TOR1AIP2: variants seen among roughly 807,000 people sequenced by gnomAD.
TOR1AIP2 encodes the protein torsin-1A-interacting protein 2.
A neutral mutation model predicts 32.6 loss-of-function variants in TOR1AIP2; 20 were observed. The ratio of observed to expected loss-of-function variants is 0.61; its 90% CI spans 0.43 to 0.89. TOR1AIP2 has a LOEUF of 0.89. Ranked by LOEUF, TOR1AIP2 falls within the 40% of genes least tolerant of loss-of-function variation. The probability of loss-of-function intolerance (pLI) is 0.00; values close to 1 mark genes in which losing one functional copy is unlikely to be tolerated. For missense variants in TOR1AIP2, 456 were observed against 553.8 expected (o/e 0.82, Z 1.77); for synonymous variants, 214 against 210.8 (o/e 1.02, Z -0.13).
intron 3 of TOR1AIP2, among the ~76,000 whole-genome samples, chr1:179,858,473 C>A (rs1349531360): frequency 6.6e-6 from 1 of 152,016 alleles, no homozygotes; most frequent in Non-Finnish European, 1.5e-5. Context: ...ATAAAATGTT[C>A]ATATATTTTA....
intron 3 of TOR1AIP2, chr1:179,864,259 C>T (rs1370156020): frequency 1.0e-6 from 1 of 985,200 alleles, no homozygotes; most frequent in African/African-American, 1.7e-5. Flanking sequence ...TATATAAGAG[C>T]AAATTTTATC....
In TOR1AIP2 at chr1:179,843,552, T is replaced by C. The variant is rs1695795015; in HGVS notation, c.*2519A>G. On this transcript the variant is annotated 3_prime_UTR_variant, in exon 7 of 7. Transcript: ENST00000609928. ...AAAAAAGAAGTTTGGTTGGGTGCAT[T>C]GGGTCACATCTGTAATCCAAACACT... 1 of 149,848 alleles carries C rather than the reference T, an allele frequency of 6.7e-6. No homozygotes were observed. The highest frequency in any genetic ancestry group is 1.5e-5 in the Non-Finnish European group (1 of 68,146). The allele number at this position is 149,848 out of a possible 1,614,324, so 9.3% of individuals were successfully genotyped here.
intron 2 of TOR1AIP2, among the ~76,000 whole-genome samples, chr1:179,872,474 C>A (rs1697047143): frequency 6.6e-6 from 1 of 152,176 alleles, no homozygotes; most frequent in Admixed American, 6.5e-5. Flanking sequence ...AATATCCCAG[C>A]ATTATTATTT....
chr1:179,872,824 G>A (rs1056409188), intron 2 of TOR1AIP2, among the ~76,000 whole-genome samples: 1 of 152,158 alleles, frequency 6.6e-6, no homozygotes, highest in Non-Finnish European at 1.5e-5. Context: ...CTGACTGCCA[G>A]GTTTAGTTCA....
At chr1:179,872,748 A>G (rs763097339) in intron 2 of TOR1AIP2, among the ~76,000 whole-genome samples, 36 of 152,200 alleles carry the variant, frequency 2.4e-4, no homozygotes, top group Non-Finnish European at 5.0e-4. Context: ...TTGACCACGT[A>G]GAGGTATTAA....
chr1:179,873,391 A>G (rs1416487740), intron 2 of TOR1AIP2, among the ~76,000 whole-genome samples: 1 of 152,218 alleles, frequency 6.6e-6, no homozygotes, highest in African/African-American at 2.4e-5. Flanking sequence ...ATGATTAGAA[A>G]GATAAAAAGA....
intron 2 of TOR1AIP2, chr1:179,868,400 G>C (rs767384995): frequency 2.0e-5 from 3 of 151,944 alleles, no homozygotes; most frequent in Admixed American, 2.0e-4. Flanking sequence ...AATATTTCTG[G>C]AATGAATAAA....
rs1347873704 is a variant in TOR1AIP2, at chr1:179,851,296, T to C, written c.102A>G (p.Ala34=). The stretch of plus-strand genomic sequence containing the variant: ...GGATCTCAGCTTCTTCAGCATTACT[T>C]GCTATGATTGTGGTCTCCTGCGCCT... ...NSQAQETTII[A]SNAEEAEILH... Residue 34 remains alanine, a synonymous_variant, in exon 5 of 7, where the codon GCA becomes GCG. Coordinates refer to ENST00000609928, the MANE Select transcript of TOR1AIP2 (RefSeq NM_001199260.2). 1 of 1,607,658 alleles carries C rather than the reference T, an allele frequency of 6.2e-7. No individual in the cohort carries two copies. Among genetic ancestry groups the C allele is most frequent in the Admixed American group, 1.7e-5 (1 of 59,646 alleles).
At chr1:179,865,199 G>C in intron 3 of TOR1AIP2, 1 of 1,570,840 alleles carries the variant, frequency 6.4e-7, no homozygotes, top group South Asian at 1.2e-5. Context: ...AGACAACACA[G>C]ACAGCAATGT....
chr1:179,851,263 A>G lies in TOR1AIP2; in HGVS notation c.135T>C (p.Ser45=). 1 of 1,612,308 alleles carries G rather than the reference A, an allele frequency of 6.2e-7. No homozygotes were observed. The highest frequency in any genetic ancestry group is 8.5e-7 in the Non-Finnish European group (1 of 1,180,028). Reference sequence around the variant, plus strand: ...GGTGGTCTTTGCTAAGACCACAGGCAGAGTGTAGGATCTCAGCTTCTTCAG... The same window carrying G: ...GGTGGTCTTTGCTAAGACCACAGGCGGAGTGTAGGATCTCAGCTTCTTCAG... ...SNAEEAEILH[S]ACGLSKDHQE... The change falls in exon 5 of 7, where the codon TCT becomes TCC. Residue 45 remains serine, a synonymous_variant. Transcript: ENST00000609928.
intron 3 of TOR1AIP2, chr1:179,861,574 T>G: frequency 1.0e-6 from 1 of 981,856 alleles, no homozygotes; most frequent in Non-Finnish European, 1.2e-6. Flanking sequence ...AACAAAACTG[T>G]TTGTGAAGAA....
chr1:179,870,902 C>T (rs1205641952), intron 2 of TOR1AIP2, among the ~76,000 whole-genome samples: 1 of 152,314 alleles, frequency 6.6e-6, no homozygotes, highest in East Asian at 1.9e-4. Flanking sequence ...ACTACCATTA[C>T]TTTATGATTG....
intron 3 of TOR1AIP2, chr1:179,861,506 T>G (rs1696529589): frequency 1.0e-6 from 1 of 984,290 alleles, no homozygotes; most frequent in Admixed American, 6.1e-5. Context: ...AATATTAAAA[T>G]TAATATTTTT....
At position 179,845,250 on chromosome 1, in the gene TOR1AIP2, TATAAAAC is replaced by T. The variant is rs1171746079; in HGVS notation, c.*814_*820del. 2.0e-5 allele frequency: 3 copies of T among 149,260 alleles called. No homozygotes were observed. The highest frequency in any genetic ancestry group is 6.6e-5 in the Admixed American group (1 of 15,174). The allele number at this position is 149,260 out of a possible 1,614,324, so 9.2% of individuals were successfully genotyped here. ...TGAAATCTCATAGAGAACCCCAACA[TATAAAAC>T]AGTTAAAAGCAGAACTGCTCTGATA... is the stretch of plus-strand genomic sequence containing the variant. On this transcript the variant is annotated 3_prime_UTR_variant, in exon 7 of 7. Transcript: ENST00000609928.
At position 179,850,768 on chromosome 1, in the gene TOR1AIP2, A is replaced by C; in HGVS notation, c.553+77T>G. The stretch of plus-strand genomic sequence containing the variant: ...AAGATGACAAAAGTTCTCTGGAAAG[A>C]AGGCCTCTGACTTCTGCTGTGTTCT... On this transcript the variant is annotated intron_variant, in intron 5 of 6. Transcript: ENST00000609928. 9 of 1,506,062 alleles carry C rather than the reference A, an allele frequency of 6.0e-6. No individual in the cohort carries two copies. In the South Asian group the frequency reaches 1.2e-4, roughly 20 times the overall value. 93.3% of individuals were successfully genotyped at this position (1,506,062 alleles called of 1,614,324 possible).
intron 3 of TOR1AIP2, chr1:179,860,312 A>C (rs1195389492): frequency 1.3e-5 from 10 of 751,270 alleles, no homozygotes; most frequent in Non-Finnish European, 1.6e-5. Context: ...GCGATACTCC[A>C]TCTCTACAAA....
At chr1:179,852,483 G>T in intron 4 of TOR1AIP2, 149 bp downstream of exon 4, 2 of 719,346 alleles carry the variant, frequency 2.8e-6, no homozygotes, top group South Asian at 2.0e-5. Flanking sequence ...CAGTAAATTT[G>T]AAAGAATAAG....
At chr1:179,869,655 CA>C (rs1305464072) in intron 2 of TOR1AIP2, among the ~76,000 whole-genome samples, 1 of 152,132 alleles carries the variant, frequency 6.6e-6, no homozygotes, top group Non-Finnish European at 1.5e-5. Flanking sequence ...AAATTTTAAG[CA>C]ACCATCTCTT....
chr1:179,856,067 C>CA (rs1350732434), intron 3 of TOR1AIP2, among the ~76,000 whole-genome samples: 2 of 152,034 alleles, frequency 1.3e-5, no homozygotes, highest in South Asian at 4.2e-4. Context: ...CCTGTAGTCC[C>CA]AGCTGCTGAG....
Sources: allele counts gnomAD v4.1 joint callset (sites outside exome capture counted in the v4.1 genomes callset), GRCh38; gene constraint gnomAD v4.1.1; transcripts MANE v1.5; gene names NCBI Gene and HGNC (gene_info 2026-07-23, HGNC 2026-07-21).